Variants in KIF5A observed in about 807,000 individuals in gnomAD.
KIF5A encodes kinesin family member 5A.
Under a neutral mutation model 141.3 loss-of-function variants are expected in KIF5A, and 35 were observed. That is an observed-to-expected ratio of 0.25 (90% confidence interval 0.19 to 0.33). The LOEUF (loss-of-function observed/expected upper bound fraction) is 0.33. KIF5A is among the 10% of genes least tolerant of loss of function. KIF5A has a pLI of 1.00. For missense variants in KIF5A, 861 were observed against 1,314.3 expected, an observed-to-expected ratio of 0.66 and a Z score of 5.33; for synonymous variants, 448 against 500.2, an observed-to-expected ratio of 0.90 and a Z score of 1.39.
Position 57,572,762 on chromosome 12 carries a change from G to C in KIF5A, c.1716+36G>C. On this transcript the variant is annotated intron_variant, in intron 15 of 28. Coordinates refer to ENST00000455537, the MANE Select transcript of KIF5A (RefSeq NM_004984.4). This position sits in a 1 kb window ranked among gnomAD's most constrained non-coding sequence, Gnocchi z 4.2. The stretch of plus-strand genomic sequence containing the variant: ...AGAGACAGCAGCCTTGTTCAGGCTG[G>C]GCACTAGTGGAAGACGCAAGATGAG... 6.2e-7 allele frequency: 1 copy of C among 1,613,416 alleles called. No individual in the cohort carries two copies. The highest frequency in any genetic ancestry group is 1.1e-5 in the South Asian group (1 of 91,056).
chr12:57,567,379 GTC>G, intron 7 of KIF5A, 113 bp from the exon 8 acceptor site: 2 of 1,382,364 alleles, frequency 1.4e-6, no homozygotes, highest in South Asian at 2.4e-5. Context: ...AGCAGGGCTA[GTC>G]CTGGTGGGCA....
intron 1 of KIF5A, among the ~76,000 whole-genome samples, chr12:57,555,993 A>G (rs1334010322): frequency 6.6e-6 from 1 of 152,068 alleles, no homozygotes; most frequent in African/African-American, 2.4e-5. Context: ...ACTTAAAGAC[A>G]TAAAGAGCCA....
intron 1 of KIF5A, among the ~76,000 whole-genome samples, chr12:57,553,104 A>G (rs983103767): frequency 2.0e-5 from 3 of 151,970 alleles, no homozygotes; most frequent in East Asian, 1.9e-4. Context: ...GCTTTTGCAC[A>G]CTCAGAATCC....
In KIF5A at chr12:57,581,131, G is replaced by A. The variant is rs766671105; in HGVS notation, c.2714G>A (p.Arg905His). Reference sequence around the variant, plus strand: ...GTGGACCGCATCAAGGAGGCCGTTCGCTACAAGAGCTCGGGCAAACGGGGC... The same window carrying A: ...GTGGACCGCATCAAGGAGGCCGTTCACTACAAGAGCTCGGGCAAACGGGGC... The part of the protein sequence containing the change: ...QEVDRIKEAV[R>H]YKSSGKRGHS... The change falls in exon 24 of 29, where the codon CGC (arginine) becomes CAC (histidine). Residue 905 changes from arginine to histidine, a missense_variant. Physicochemically the swap from Arg to His is conservative, Grantham distance 29. Transcript: ENST00000455537. The A allele has an allele frequency of 3.7e-6, 6 of 1,613,980 alleles. No homozygotes were observed. Among genetic ancestry groups the A allele is most frequent in the African/African-American group, 1.3e-5 (1 of 74,922 alleles).
chr12:57,575,964 C>A (rs1882410977), intron 17 of KIF5A, 123 bp from the exon 18 acceptor site: 10 of 1,007,936 alleles, frequency 9.9e-6, no homozygotes, highest in Admixed American at 1.7e-5. Flanking sequence ...ATTGGACAGT[C>A]CTAACACAGA....
Position 57,577,739 on chromosome 12 carries a change from C to A in KIF5A, c.2327C>A (p.Ser776Tyr). The A allele has an allele frequency of 2.5e-6, 4 of 1,613,968 alleles. No homozygotes were observed. Among genetic ancestry groups the A allele is most frequent in the Non-Finnish European group, 3.4e-6 (4 of 1,179,888 alleles). ...LTFLYERHEQ[S>Y]KQDLKGLEET... ...TTTCTGTACGAGCGACATGAGCAGT[C>A]CAAGCAGGACCTCAAGGGTCTGGAG... Residue 776 changes from serine to tyrosine, a missense_variant, in exon 21 of 29, where the codon TCC becomes TAC. Ser to Tyr is a moderately radical substitution (Grantham distance 144). Coordinates refer to ENST00000455537, the MANE Select transcript of KIF5A (RefSeq NM_004984.4).
intron 7 of KIF5A, 29 bp from the exon 8 acceptor site, chr12:57,567,465 C>G (rs1594915357): frequency 1.9e-6 from 3 of 1,611,678 alleles, no homozygotes; most frequent in Non-Finnish European, 2.5e-6. Context: ...CAGGGTGGTG[C>G]AGGTCCTGTT....
intron 1 of KIF5A, among the ~76,000 whole-genome samples, chr12:57,559,945 G>A (rs1881860195): frequency 6.6e-6 from 1 of 152,172 alleles, no homozygotes; most frequent in South Asian, 2.1e-4. Context: ...AGGCTGGAGT[G>A]CGGTGGCGCG....
At chr12:57,555,005 A>G (rs956115508) in intron 1 of KIF5A, among the ~76,000 whole-genome samples, 2 of 152,204 alleles carry the variant, frequency 1.3e-5, no homozygotes, top group Non-Finnish European at 2.9e-5. Context: ...TCAGCATCCT[A>G]TAGGCCAGGG....
At position 57,569,340 on chromosome 12, in the gene KIF5A, A is replaced by C; in HGVS notation, c.904A>C (p.Ile302Leu). 1 of 1,613,970 alleles carries C rather than the reference A, an allele frequency of 6.2e-7. No homozygotes were observed. The highest frequency in any genetic ancestry group is 8.5e-7 in the Non-Finnish European group (1 of 1,179,908). ...GGGAAACTGCCGGACGACTATGTTC[A>C]TCTGTTGCTCACCATCCAGTTATAA... ...LGGNCRTTMF[I>L]CCSPSSYNDA... The change falls in exon 10 of 29, where the codon ATC (isoleucine) becomes CTC (leucine). Residue 302 changes from isoleucine to leucine, a missense_variant. By Grantham distance (5) the Ile-to-Leu change is conservative. Transcript: ENST00000455537.
chr12:57,586,386 A>C lies in KIF5A; in HGVS notation c.*2205A>C, dbSNP rs1253472613. The C allele has an allele frequency of 6.6e-6, 1 of 152,330 alleles. No individual in the cohort carries two copies. The highest frequency in any genetic ancestry group is 1.5e-5 in the Non-Finnish European group (1 of 68,032). The allele number at this position is 152,330 out of a possible 1,614,324, so 9.4% of individuals were successfully genotyped here. ...AATATAATTCACTTACATAAAAAAG[A>C]AACAACACACACGCAAACCCTTCAC... On this transcript the variant is annotated 3_prime_UTR_variant, in exon 29 of 29. Coordinates refer to ENST00000455537, the MANE Select transcript of KIF5A (RefSeq NM_004984.4).
chr12:57,561,980 A>G (rs2140157768), intron 1 of KIF5A, among the ~76,000 whole-genome samples: 1 of 152,342 alleles, frequency 6.6e-6, no homozygotes, highest in East Asian at 1.9e-4. Flanking sequence ...CGATTGGATA[A>G]AGATGGACTC....
At chr12:57,555,553 T>C (rs951906129) in intron 1 of KIF5A, among the ~76,000 whole-genome samples, 1 of 151,400 alleles carries the variant, frequency 6.6e-6, no homozygotes, top group African/African-American at 2.4e-5. Flanking sequence ...ATCTTGCCAC[T>C]GCACTCCAGC....
chr12:57,555,405 G>T (rs1881699787), intron 1 of KIF5A, among the ~76,000 whole-genome samples: 1 of 152,096 alleles, frequency 6.6e-6, no homozygotes, highest in Admixed American at 6.6e-5. Flanking sequence ...TTCATCCTGA[G>T]TATAATCAAT....
At chr12:57,581,718 C>T (rs999113959) in intron 25 of KIF5A, 150 bp downstream of exon 25, 1 of 1,208,094 alleles carries the variant, frequency 8.3e-7, no homozygotes, top group African/African-American at 1.5e-5. Context: ...AGGTGTCTGC[C>T]CTCCCAGCCT....
rs758722162 is a variant in KIF5A at position 57,569,108 on chromosome 12, C to T, written c.819+41C>T. On this transcript the variant is annotated intron_variant, in intron 9 of 28. Transcript: ENST00000455537. ...GTCCCCTCACCCCTCAAGCCACACC[C>T]CATCTCCTCCCCCACCTGCTAATGC... is the stretch of plus-strand genomic sequence containing the variant. 5 of 1,564,296 alleles carry T rather than the reference C, an allele frequency of 3.2e-6. No individual in the cohort carries two copies. The East Asian group carries it at 6.7e-5, about 21-fold the overall frequency.
intron 12 of KIF5A, among the ~76,000 whole-genome samples, chr12:57,570,826 T>C (rs1036173116): frequency 6.6e-6 from 1 of 152,186 alleles, no homozygotes; most frequent in African/African-American, 2.4e-5. Flanking sequence ...AGTCTTGCTT[T>C]GTTACTCGGG....
chr12:57,551,794 C>T (rs1261045311), intron 1 of KIF5A, among the ~76,000 whole-genome samples: 1 of 152,008 alleles, frequency 6.6e-6, no homozygotes, highest in Non-Finnish European at 1.5e-5. Context: ...GGGAGACCTG[C>T]TTACCAGTCC....
intron 1 of KIF5A, among the ~76,000 whole-genome samples, chr12:57,556,093 T>C (rs1344518051): frequency 6.6e-6 from 1 of 151,736 alleles, no homozygotes; most frequent in African/African-American, 2.4e-5. Context: ...GTCACATGGC[T>C]TTCCCTGCTC....
Sources: gnomAD v4.1 joint callset for allele counts (sites outside exome capture counted in the v4.1 genomes callset) on GRCh38, gnomAD v4.1.1 for gene constraint, Gnocchi (gnomAD v3.1) non-coding constraint, MANE v1.5 for transcripts, NCBI Gene and HGNC (gene_info 2026-07-23, HGNC 2026-07-21) for gene names.